ZNF831: variants seen among roughly 807,000 people sequenced by gnomAD.
The protein encoded by ZNF831 is chromosome 20 open reading frame 174.
In ZNF831, 59 loss-of-function variants were observed where a neutral mutation model predicts 95.8. The ratio of observed to expected loss-of-function variants is 0.62; its 90% confidence interval spans 0.50 to 0.77. The LOEUF (loss-of-function observed/expected upper bound fraction) is 0.77. ZNF831 is among the 30% of genes least tolerant of loss of function. The probability of loss-of-function intolerance (pLI) is 0.00; values close to 1 mark genes in which losing one functional copy is unlikely to be tolerated. For synonymous variants in ZNF831, 961 were observed against 925.5 expected (o/e 1.04, Z -0.70); for missense variants, 2,205 against 2,164.0 (o/e 1.02, Z -0.38).
intron 4 of ZNF831, among the ~76,000 whole-genome samples, chr20:59,210,675 G>A (rs1238301797): frequency 1.3e-5 from 2 of 152,154 alleles, no homozygotes; most frequent in African/African-American, 4.8e-5. Flanking sequence ...TCAGGGAAGG[G>A]TCCTGCACGC....
At chr20:59,252,930 C>T in intron 4 of ZNF831, 48 bp from the exon 5 acceptor site, 1 of 1,581,394 alleles carries the variant, frequency 6.3e-7, no homozygotes, top group South Asian at 1.2e-5. Flanking sequence ...TTACTCTTTG[C>T]TAATTTTATA....
At chr20:59,187,201 T>C (rs932194226) in intron 1 of ZNF831, among the ~76,000 whole-genome samples, 2 of 152,152 alleles carry the variant, frequency 1.3e-5, no homozygotes, top group South Asian at 2.1e-4. Flanking sequence ...GGAGCTGGTG[T>C]GAACTGGATG....
At chr20:59,195,329 G>A (rs1281531235) in intron 2 of ZNF831, among the ~76,000 whole-genome samples, 1 of 152,220 alleles carries the variant, frequency 6.6e-6, no homozygotes, top group East Asian at 1.9e-4. Context: ...CACGCACCTG[G>A]TTGTGATGAC....
chr20:59,253,821 C>A (rs1014513035), intron 5 of ZNF831, 77 bp from the exon 6 acceptor site: 1 of 1,479,100 alleles, frequency 6.8e-7, no homozygotes, highest in Non-Finnish European at 9.0e-7. Flanking sequence ...CATTGAGGAC[C>A]ACGTTTCTGA....
chr20:59,192,869 A>T lies in ZNF831; in HGVS notation c.1850A>T (p.Gln617Leu), dbSNP rs1359988691. The change falls in exon 2 of 6, where the codon CAG (glutamine) becomes CTG (leucine). Residue 617 changes from glutamine (Q) to leucine (L), a missense_variant. Coordinates refer to ENST00000371030, the MANE Select transcript of ZNF831 (RefSeq NM_178457.3). This position sits in a 1 kb window ranked among gnomAD's most constrained non-coding sequence, Gnocchi z 5.2. ...CAGAGAAGGCTGAAGATGTTCTCCCAGGAGAAGTGGCAGGTGTACGGGGAT... is the reference window on the plus strand; with the variant it reads ...CAGAGAAGGCTGAAGATGTTCTCCCTGGAGAAGTGGCAGGTGTACGGGGAT... ...CGQRRLKMFS[Q>L]EKWQVYGDET... 1 of 1,601,336 alleles carries T rather than the reference A, an allele frequency of 6.2e-7. No individual in the cohort carries two copies. Among genetic ancestry groups the T allele is most frequent in the Non-Finnish European group, 8.5e-7 (1 of 1,173,744 alleles).
upstream of ZNF831, among the ~76,000 whole-genome samples, chr20:59,162,516 C>T (rs562650599): frequency 2.8e-4 from 43 of 152,228 alleles, 1 homozygote; most frequent in South Asian, 7.2e-3. Context: ...ATATGGTTAG[C>T]TAGTTTCCCC....
At chr20:59,148,977 G>A (rs1257465084) in intron 2 of ZNF831, among the ~76,000 whole-genome samples, 1 of 152,180 alleles carries the variant, frequency 6.6e-6, no homozygotes, top group Admixed American at 6.5e-5. Context: ...GCGGGCACTC[G>A]AGTTCAGCCC....
rs576733683 is a variant in ZNF831, at chr20:59,220,689, G to A, written c.4027+13633G>A. 1.1e-4 allele frequency among the ~76,000 whole-genome samples: 17 copies of A among 152,180 alleles called. No homozygotes were observed. The South Asian group carries it at 3.3e-3, about 30-fold the overall frequency. ...AGCTAGAATTTGAGAACACAATTCT[G>A]TTTTTATTGTTTTTTTTAAAGAAGA... is the stretch of plus-strand genomic sequence containing the variant. On this transcript the variant is annotated intron_variant, in intron 4 of 5. Transcript: ENST00000371030.
At chr20:59,228,522 G>A (rs1348168663) in intron 4 of ZNF831, among the ~76,000 whole-genome samples, 2 of 151,564 alleles carry the variant, frequency 1.3e-5, no homozygotes, top group Non-Finnish European at 1.5e-5. Flanking sequence ...TAGAAGACCA[G>A]CCAATGGGAA....
At chr20:59,149,448 T>A (rs566856943) in intron 2 of ZNF831, among the ~76,000 whole-genome samples, 1 of 152,248 alleles carries the variant, frequency 6.6e-6, no homozygotes, top group African/African-American at 2.4e-5. Context: ...TACCATTTTA[T>A]GGAGGAAGAA....
intron 1 of ZNF831, among the ~76,000 whole-genome samples, chr20:59,139,075 A>T (rs935568289): frequency 6.6e-6 from 1 of 152,104 alleles, no homozygotes. Context: ...AAATAACGTG[A>T]CAATTTATAA....
chr20:59,155,117 G>A (rs534435263), intron 2 of ZNF831, among the ~76,000 whole-genome samples: 13 of 152,156 alleles, frequency 8.5e-5, no homozygotes, highest in Non-Finnish European at 1.8e-4. Context: ...CTGACACCTG[G>A]GAGGGATAAT....
At chr20:59,216,905 A>T (rs1056204066) in intron 4 of ZNF831, among the ~76,000 whole-genome samples, 44 of 152,042 alleles carry the variant, frequency 2.9e-4, no homozygotes, top group Non-Finnish European at 6.2e-4. Flanking sequence ...GTATGAGGTG[A>T]CTGATTAGAA....
chr20:59,227,989 A>G (rs963720406), intron 4 of ZNF831, among the ~76,000 whole-genome samples: 3 of 152,390 alleles, frequency 2.0e-5, no homozygotes, highest in Non-Finnish European at 2.9e-5. Flanking sequence ...CACATAGGTT[A>G]TAGTGATAAT....
chr20:59,164,365 A>T (rs1188084388), intron 1 of ZNF831, among the ~76,000 whole-genome samples, 158 bp downstream of exon 1: 1 of 152,230 alleles, frequency 6.6e-6, no homozygotes, highest in African/African-American at 2.4e-5. Flanking sequence ...TAATTCTCTC[A>T]TGTGCTTAAT....
At chr20:59,151,440 C>G (rs1206128788) in intron 2 of ZNF831, among the ~76,000 whole-genome samples, 3 of 152,156 alleles carry the variant, frequency 2.0e-5, no homozygotes, top group Admixed American at 2.0e-4. Flanking sequence ...TATGATACAC[C>G]CGACCCTGTG....
rs1981591261 is a variant in ZNF831 at position 59,169,925 on chromosome 20, T to G, written c.-37+5718T>G. ...AAAAAAAAAAGGTGAATTTTATTAA[T>G]CTTGTCCAAGAAAAAGCTCTTTCTT... On this transcript the variant is annotated intron_variant, in intron 1 of 5. Transcript: ENST00000371030. This position sits in a 1 kb window ranked among gnomAD's most constrained non-coding sequence, Gnocchi z 4.1. Among the ~76,000 whole-genome samples, 1 of 152,024 alleles carries G rather than the reference T, an allele frequency of 6.6e-6. No individual in the cohort carries two copies. The highest frequency in any genetic ancestry group is 2.4e-5 in the African/African-American group (1 of 41,384).
At chr20:59,178,103 C>T (rs140330082) in intron 1 of ZNF831, among the ~76,000 whole-genome samples, 17 of 152,258 alleles carry the variant, frequency 1.1e-4, no homozygotes, top group African/African-American at 3.6e-4. Flanking sequence ...ACACTGGAGT[C>T]GTGTTTAGCA....
intron 4 of ZNF831, among the ~76,000 whole-genome samples, chr20:59,225,716 G>T (rs6092752): frequency 6.6e-6 from 1 of 152,184 alleles, no homozygotes; most frequent in Non-Finnish European, 1.5e-5. Context: ...GGAGGGTGGT[G>T]GGGGCCAGCA....
Sources: allele counts gnomAD v4.1 joint callset (sites outside exome capture counted in the v4.1 genomes callset), GRCh38; gene constraint gnomAD v4.1.1; non-coding constraint Gnocchi (gnomAD v3.1); transcripts MANE v1.5; gene names NCBI Gene and HGNC (gene_info 2026-07-23, HGNC 2026-07-21).